The following UNC13C variants were observed in gnomAD, a reference collection of about 807,000 sequenced individuals.
The protein encoded by UNC13C is protein unc-13 homolog C.
A neutral mutation model predicts 245.4 loss-of-function variants in UNC13C; 174 were observed. That is an observed-to-expected ratio of 0.71 (90% CI 0.63 to 0.80). The LOEUF (loss-of-function observed/expected upper bound fraction) is 0.80. Among genes scored for constraint, UNC13C ranks in the 30% least tolerant of loss-of-function variants. The probability of loss-of-function intolerance (pLI) is 0.00; values close to 1 mark genes in which losing one functional copy is unlikely to be tolerated. For synonymous variants in UNC13C, 992 were observed against 895.1 expected, an observed-to-expected ratio of 1.11 and a Z score of -1.93; for missense variants, 2,829 against 2,602.9, an observed-to-expected ratio of 1.09 and a Z score of -1.89.
At chr15:54,190,159 C>T (rs2034134961) in intron 4 of UNC13C, among the ~76,000 whole-genome samples, 1 of 152,082 alleles carries the variant, frequency 6.6e-6, no homozygotes, top group Non-Finnish European at 1.5e-5. Context: ...AATACTCTTA[C>T]CTCCATTAGG....
chr15:53,879,540 G>A, the UNC13C span, among the ~76,000 whole-genome samples: 3 of 152,114 alleles, frequency 2.0e-5, no homozygotes, highest in African/African-American at 4.8e-5. Flanking sequence ...CTTGGTGCTT[G>A]CAGCTCTTTT....
intron 4 of UNC13C, among the ~76,000 whole-genome samples, chr15:54,229,042 C>T (rs2035475093): frequency 6.6e-6 from 1 of 152,160 alleles, no homozygotes; most frequent in Admixed American, 6.5e-5. Context: ...GGGCTAGTCC[C>T]CACTTGCTAG....
At chr15:54,096,616 C>G (rs1325583285) in intron 2 of UNC13C, among the ~76,000 whole-genome samples, 1 of 152,134 alleles carries the variant, frequency 6.6e-6, no homozygotes, top group Non-Finnish European at 1.5e-5. Flanking sequence ...TATAACAATT[C>G]CCTGTTTTTG....
intron 28 of UNC13C, among the ~76,000 whole-genome samples, chr15:54,550,566 A>G (rs1160294650): frequency 1.3e-5 from 2 of 152,168 alleles, no homozygotes; most frequent in African/African-American, 2.4e-5. Context: ...ATAATTATTT[A>G]CTGAGGTAAA....
At chr15:53,999,366 T>C (rs1897044) in intron 1 of UNC13C, among the ~76,000 whole-genome samples, 19,395 of 151,802 alleles carry the variant, frequency 0.13, 1,413 homozygotes, top group Non-Finnish European at 0.16. Context: ...AATATGTGGT[T>C]TTGAAGGAAT....
Position 54,401,613 on chromosome 15 carries a change from G to T in UNC13C, c.4847+8432G>T, listed in dbSNP as rs140494029. Among the ~76,000 whole-genome samples, 693 of 152,246 alleles carry T rather than the reference G, an allele frequency of 4.6e-3. 32 individuals carry two copies. The East Asian group carries it at 0.1, about 22-fold the overall frequency. ...AAGTATAAACAGGAACGAAGATCGCGTCGAGAGAGAAGAAGGTAGTTGACA... is the reference window on the plus strand; with the variant it reads ...AAGTATAAACAGGAACGAAGATCGCTTCGAGAGAGAAGAAGGTAGTTGACA... On this transcript the variant is annotated intron_variant, in intron 18 of 32. Transcript: ENST00000260323.
intron 2 of UNC13C, among the ~76,000 whole-genome samples, chr15:54,122,987 T>C (rs1156672855): frequency 6.6e-6 from 1 of 152,070 alleles, no homozygotes; most frequent in Admixed American, 6.6e-5. Flanking sequence ...CTTGGTTATA[T>C]GGCAAACGTA....
At chr15:54,116,504 C>T (rs1231383778) in intron 2 of UNC13C, among the ~76,000 whole-genome samples, 1 of 152,144 alleles carries the variant, frequency 6.6e-6, no homozygotes, top group East Asian at 1.9e-4. Flanking sequence ...TCTTAGCTCT[C>T]ATAGATGAGT....
chr15:53,839,473 A>G, the UNC13C span, among the ~76,000 whole-genome samples: 1 of 152,268 alleles, frequency 6.6e-6, no homozygotes, highest in African/African-American at 2.4e-5. Context: ...ACTCTTTACA[A>G]GAATGCTTTT....
the UNC13C span, among the ~76,000 whole-genome samples, chr15:53,848,204 TCTG>T: frequency 2.6e-5 from 4 of 152,138 alleles, no homozygotes; most frequent in Admixed American, 6.5e-5. Flanking sequence ...TTCACTGGTT[TCTG>T]CTGTTATTGG....
chr15:54,614,926 CAG>C (rs1900331038), intron 30 of UNC13C, among the ~76,000 whole-genome samples: 1 of 152,006 alleles, frequency 6.6e-6, no homozygotes, highest in Admixed American at 6.6e-5. Context: ...ATACTGTTTT[CAG>C]AGAGAAGCTA....
intron 2 of UNC13C, among the ~76,000 whole-genome samples, chr15:54,097,923 C>T (rs967577824): frequency 3.9e-5 from 6 of 152,166 alleles, no homozygotes; most frequent in Non-Finnish European, 5.9e-5. Context: ...AGTAAGCCTT[C>T]CTCTTGAAGA....
At chr15:54,401,454 A>T (rs1157772739) in intron 18 of UNC13C, among the ~76,000 whole-genome samples, 1 of 152,154 alleles carries the variant, frequency 6.6e-6, no homozygotes, top group Admixed American at 6.6e-5. Flanking sequence ...TTGCACAATA[A>T]GAGAAACTAG....
At chr15:54,411,719 C>A (rs1239906131) in intron 18 of UNC13C, among the ~76,000 whole-genome samples, 1 of 152,068 alleles carries the variant, frequency 6.6e-6, no homozygotes, top group African/African-American at 2.4e-5. Flanking sequence ...TCATAGAAAG[C>A]TGCAAATACA....
intron 2 of UNC13C, among the ~76,000 whole-genome samples, chr15:54,020,676 C>T (rs1261081094): frequency 6.6e-6 from 1 of 151,920 alleles, no homozygotes; most frequent in Admixed American, 6.6e-5. Context: ...GTAATATCTA[C>T]ATATGAAAAT....
Position 54,300,329 on chromosome 15 carries a change from A to AT in UNC13C, c.4227dup (p.Ala1410CysfsTer7). ...ATGCTTCCCAAGAAATAGTTGATGA[A>AT]TTTGCTATGCGTTATGGAATTGAAT... On this transcript the variant is annotated frameshift_variant, in exon 13 of 33. Coordinates refer to ENST00000260323, the MANE Select transcript of UNC13C (RefSeq NM_001080534.3). LOFTEE classifies it high-confidence loss of function. 6.3e-7 allele frequency: 1 copy of AT among 1,584,418 alleles called. No homozygotes were observed. Among genetic ancestry groups the AT allele is most frequent in the Non-Finnish European group, 8.6e-7 (1 of 1,163,800 alleles).
At chr15:54,260,878 C>T (rs1023574135) in intron 8 of UNC13C, among the ~76,000 whole-genome samples, 1 of 151,238 alleles carries the variant, frequency 6.6e-6, no homozygotes, top group African/African-American at 2.4e-5. Context: ...TTGTAAATTG[C>T]CATATAAAGA....
the UNC13C span, among the ~76,000 whole-genome samples, chr15:53,959,349 A>G: frequency 6.6e-6 from 1 of 151,766 alleles, no homozygotes; most frequent in Non-Finnish European, 1.5e-5. Context: ...GTATTTATAG[A>G]TTTTGAGGAA....
chr15:54,035,892 G>A (rs1390446391), intron 2 of UNC13C, among the ~76,000 whole-genome samples: 4 of 152,088 alleles, frequency 2.6e-5, no homozygotes, highest in Non-Finnish European at 5.9e-5. Context: ...GCAGCCGTTG[G>A]ATGCCAGAAA....
Sources: allele counts gnomAD v4.1 joint callset (sites outside exome capture counted in the v4.1 genomes callset), GRCh38; gene constraint gnomAD v4.1.1; transcripts MANE v1.5; gene names NCBI Gene and HGNC (gene_info 2026-07-23, HGNC 2026-07-21).